Variants in SPTBN1 observed in about 807,000 individuals in gnomAD.
SPTBN1 encodes the protein spectrin beta, non-erythrocytic 1.
A neutral mutation model predicts 266.4 loss-of-function variants in SPTBN1; 32 were observed. That is an observed-to-expected ratio of 0.12 (90% confidence interval 0.09 to 0.16). SPTBN1 has a LOEUF of 0.16. SPTBN1 is among the 10% of genes least tolerant of loss of function. The pLI is 1.00. For missense variants in SPTBN1, 2,296 were observed against 3,067.1 expected (o/e 0.75, Z 5.94); for synonymous variants, 1,336 against 1,162.2 (o/e 1.15, Z -3.04).
chr2:54,482,968 GGCCCCGTTTAAAGCAGGCT>G (rs1668175352), intron 1 of SPTBN1, among the ~76,000 whole-genome samples: 1 of 152,200 alleles, frequency 6.6e-6, no homozygotes, highest in Admixed American at 6.5e-5. Flanking sequence ...CTTACAGAAA[GGCCCCGTTTAAAGCAGGCT>G]GGCCCGAAGG....
chr2:54,476,770 G>T (rs1667854358), intron 1 of SPTBN1, among the ~76,000 whole-genome samples: 1 of 152,136 alleles, frequency 6.6e-6, no homozygotes. Context: ...TTTATTGTTT[G>T]TTAAAAGAGT....
At chr2:54,574,513 G>C (rs1674324773) in intron 2 of SPTBN1, among the ~76,000 whole-genome samples, 1 of 152,192 alleles carries the variant, frequency 6.6e-6, no homozygotes, top group African/African-American at 2.4e-5. Context: ...CCTCCCCTCA[G>C]AGTGATGATT....
At chr2:54,562,533 C>CTTTTTTTCTTCTTTT (rs746897447) in intron 2 of SPTBN1, among the ~76,000 whole-genome samples, 1 of 126,828 alleles carries the variant, frequency 7.9e-6, no homozygotes, top group Non-Finnish European at 1.6e-5. Flanking sequence ...TTTTCTTTTT[C>CTTTTTTTCTTCTTTT]TTTTTTTTTT....
chr2:54,548,351 TGGA>T (rs1298011454), intron 2 of SPTBN1, among the ~76,000 whole-genome samples: 1 of 152,186 alleles, frequency 6.6e-6, no homozygotes, highest in Non-Finnish European at 1.5e-5. Flanking sequence ...AAAGATGACA[TGGA>T]AGCTGTGCTT....
intron 2 of SPTBN1, among the ~76,000 whole-genome samples, chr2:54,592,317 C>T (rs1204045260): frequency 6.6e-6 from 1 of 152,052 alleles, no homozygotes; most frequent in African/African-American, 2.4e-5. Flanking sequence ...ATATTCACAG[C>T]CCTTTTTTTT....
intron 19 of SPTBN1, among the ~76,000 whole-genome samples, chr2:54,643,776 G>C (rs1558461947): frequency 6.6e-6 from 1 of 152,214 alleles, no homozygotes; most frequent in East Asian, 1.9e-4. Flanking sequence ...TGGAGGCCAG[G>C]AGTTTCAGAC....
chr2:54,615,500 A>G (rs1383341768), intron 4 of SPTBN1, among the ~76,000 whole-genome samples: 6 of 152,230 alleles, frequency 3.9e-5, no homozygotes. Context: ...TAACATTCAC[A>G]GACCCTTATT....
chr2:54,648,997 G>A lies in SPTBN1; in HGVS notation c.5009G>A (p.Ser1670Asn). 2 of 1,610,330 alleles carry A rather than the reference G, an allele frequency of 1.2e-6. No homozygotes were observed. Among genetic ancestry groups the A allele is most frequent in the Middle Eastern group, 1.7e-4 (1 of 6,048 alleles). ...CTTTTCTTTTTCAGTGAGCGCATTA[G>A]CATGCGGCAGTCCAAAGTGGATAAA... ...ADSHPESERI[S>N]MRQSKVDKLY... Residue 1670 changes from serine (S) to asparagine (N), a missense_variant, in exon 25 of 36, where the codon AGC (serine) becomes AAC (asparagine). Ser to Asn is a conservative substitution (Grantham distance 46). Around this residue, in one of 12 missense-constraint regions of SPTBN1, gnomAD observed 644 missense variants for 745.3 expected, o/e 0.86. Transcript: ENST00000356805.
At chr2:54,475,098 C>A (rs1330863336) in intron 1 of SPTBN1, among the ~76,000 whole-genome samples, 1 of 152,142 alleles carries the variant, frequency 6.6e-6, no homozygotes, top group African/African-American at 2.4e-5. Flanking sequence ...CCCAGCTACT[C>A]AGGAGGCCGA....
At chr2:54,590,829 G>A (rs769382289) in intron 2 of SPTBN1, among the ~76,000 whole-genome samples, 9 of 152,206 alleles carry the variant, frequency 5.9e-5, no homozygotes, top group Non-Finnish European at 1.3e-4. Context: ...TTAAATGCCA[G>A]GTTCAGAGAT....
intron 2 of SPTBN1, among the ~76,000 whole-genome samples, chr2:54,587,602 A>G (rs1675377348): frequency 6.6e-6 from 1 of 152,194 alleles, no homozygotes; most frequent in Admixed American, 6.5e-5. Flanking sequence ...GGAGGAGAAG[A>G]GGTGATGGTG....
chr2:54,507,542 G>A (rs1669638450), intron 1 of SPTBN1, among the ~76,000 whole-genome samples: 1 of 152,118 alleles, frequency 6.6e-6, no homozygotes, highest in Non-Finnish European at 1.5e-5. Context: ...TGATGGCCTG[G>A]ATATGGTTTT....
chr2:54,574,275 T>C (rs1438937017), intron 2 of SPTBN1, among the ~76,000 whole-genome samples: 1 of 152,132 alleles, frequency 6.6e-6, no homozygotes, highest in African/African-American at 2.4e-5. Flanking sequence ...GAGAATGCCA[T>C]ACAGTTATTA....
chr2:54,548,155 A>ATATT (rs1214072402), intron 2 of SPTBN1, among the ~76,000 whole-genome samples: 1 of 152,202 alleles, frequency 6.6e-6, no homozygotes, highest in Admixed American at 6.5e-5. Flanking sequence ...AATAAATAAA[A>ATATT]TAATTCTGGT....
At chr2:54,463,894 T>C (rs1382565685) in intron 1 of SPTBN1, among the ~76,000 whole-genome samples, 1 of 152,186 alleles carries the variant, frequency 6.6e-6, no homozygotes, top group Non-Finnish European at 1.5e-5. Flanking sequence ...AATAAAATGC[T>C]AAAGCCTTAG....
intron 1 of SPTBN1, among the ~76,000 whole-genome samples, chr2:54,496,276 A>G (rs1573273131): frequency 6.6e-6 from 1 of 151,902 alleles, no homozygotes; most frequent in African/African-American, 2.4e-5. Context: ...CGTCTCTACT[A>G]AAATACAAAA....
At chr2:54,559,858 G>GAGGA (rs1553447197) in intron 2 of SPTBN1, among the ~76,000 whole-genome samples, 1 of 152,184 alleles carries the variant, frequency 6.6e-6, no homozygotes, top group African/African-American at 2.4e-5. Context: ...CTGTGAGGAG[G>GAGGA]AGGAAGGAAG....
Position 54,646,138 on chromosome 2 carries a change from A to G in SPTBN1, c.4585-56A>G, listed in dbSNP as rs1679911900. 6.3e-7 allele frequency: 1 copy of G among 1,594,854 alleles called. No individual in the cohort carries two copies. Among genetic ancestry groups the G allele is most frequent in the Non-Finnish European group, 8.6e-7 (1 of 1,169,080 alleles). On this transcript the variant is annotated intron_variant, in intron 22 of 35. Transcript: ENST00000356805. This position sits in a 1 kb window ranked among gnomAD's most constrained non-coding sequence, Gnocchi z 4.4. ...TTTCTGGCCCTAACAGCTTGACATA[A>G]GCAGCAGACGGCTGCCATTTAGCAA...
At chr2:54,524,593 A>G (rs1300008233) in intron 1 of SPTBN1, among the ~76,000 whole-genome samples, 3 of 152,048 alleles carry the variant, frequency 2.0e-5, no homozygotes, top group Non-Finnish European at 2.9e-5. Context: ...CCCTGCTTCC[A>G]TTATTGCCGC....
Sources: allele counts gnomAD v4.1 joint callset (sites outside exome capture counted in the v4.1 genomes callset), GRCh38; gene constraint gnomAD v4.1.1; regional missense constraint gnomAD v4.1.1; non-coding constraint Gnocchi (gnomAD v3.1); transcripts MANE v1.5; gene names NCBI Gene and HGNC (gene_info 2026-07-23, HGNC 2026-07-21).